Variants in UGT8 observed in about 807,000 individuals in gnomAD.
The protein encoded by UGT8 is UDP glycosyltransferase 8.
Under a neutral mutation model 40.5 loss-of-function variants are expected in UGT8, and 12 were observed. That is an observed-to-expected ratio of 0.30 (90% CI 0.19 to 0.48). The LOEUF (loss-of-function observed/expected upper bound fraction) is 0.48. Among genes scored for constraint, UGT8 ranks in the 20% least tolerant of loss-of-function variants. The pLI, the probability that UGT8 is intolerant of heterozygous loss-of-function variation, is 0.99. For missense variants in UGT8, 513 were observed against 648.7 expected (o/e 0.79, Z 2.27); for synonymous variants, 224 against 240.4 (o/e 0.93, Z 0.63).
intron 1 of UGT8, among the ~76,000 whole-genome samples, chr4:114,599,383 C>T (rs544039531): frequency 1.4e-4 from 22 of 152,280 alleles, no homozygotes; most frequent in Non-Finnish European, 2.9e-4. Flanking sequence ...GCCCAGAGGC[C>T]AGAGCCAGCT....
chr4:114,666,914 G>C lies in UGT8; in HGVS notation c.1042+1158G>C, dbSNP rs148575435. ...TAATAGCTTCTAACTATGATCAAAA[G>C]ATTCTTCCGGGATGAGAAGTAGGAA... On this transcript the variant is annotated intron_variant, in intron 4 of 5. Transcript: ENST00000310836. 5.4e-3 allele frequency among the ~76,000 whole-genome samples: 816 copies of C among 152,146 alleles called. 12 individuals are homozygous for C. The highest frequency in any genetic ancestry group is 0.019 in the African/African-American group (790 of 41,534).
At chr4:114,601,211 A>G (rs528167998) in intron 1 of UGT8, among the ~76,000 whole-genome samples, 1 of 152,346 alleles carries the variant, frequency 6.6e-6, no homozygotes, top group South Asian at 2.1e-4. Flanking sequence ...TTTTTTGGAT[A>G]AAAACTACTT....
rs528239644 is a variant in UGT8, at chr4:114,607,976, T to C, written c.-3+9002T>C. Among the ~76,000 whole-genome samples the C allele has an allele frequency of 7.2e-5, 11 of 152,328 alleles. No homozygotes were observed. The East Asian group carries it at 2.1e-3, about 29-fold the overall frequency. Reference sequence around the variant, plus strand: ...CCCACTTGCCTTCTTTGAGTGTGATTTGACTATGCGTTTATTTTCACATGG... The same window carrying C: ...CCCACTTGCCTTCTTTGAGTGTGATCTGACTATGCGTTTATTTTCACATGG... On this transcript the variant is annotated intron_variant, in intron 1 of 5. Coordinates refer to ENST00000310836, the MANE Select transcript of UGT8 (RefSeq NM_001128174.3).
chr4:114,637,874 C>G (rs540205001), intron 2 of UGT8, among the ~76,000 whole-genome samples: 1 of 152,312 alleles, frequency 6.6e-6, no homozygotes, highest in African/African-American at 2.4e-5. Context: ...AGATCCAGAA[C>G]TACTTCATCA....
chr4:114,666,597 GAAGATAGGA>G (rs1734899070), intron 4 of UGT8, among the ~76,000 whole-genome samples: 1 of 151,928 alleles, frequency 6.6e-6, no homozygotes, highest in East Asian at 1.9e-4. Context: ...AGATTCCTTA[GAAGATAGGA>G]AAGAAGCAGG....
intron 1 of UGT8, among the ~76,000 whole-genome samples, chr4:114,620,052 G>T (rs1240004622): frequency 2.6e-5 from 4 of 151,862 alleles, no homozygotes; most frequent in Admixed American, 6.6e-5. Flanking sequence ...TAAAAATTAT[G>T]TGATTTCTTT....
At chr4:114,650,920 T>C (rs1303696271) in intron 2 of UGT8, among the ~76,000 whole-genome samples, 3 of 152,038 alleles carry the variant, frequency 2.0e-5, no homozygotes, top group Admixed American at 1.3e-4. Context: ...ATAGAACATG[T>C]CATTTCCGTT....
At chr4:114,602,100 A>T (rs978370349) in intron 1 of UGT8, among the ~76,000 whole-genome samples, 5 of 152,120 alleles carry the variant, frequency 3.3e-5, no homozygotes, top group Non-Finnish European at 5.9e-5. Flanking sequence ...TTATAGAAAA[A>T]ATTTGTGTAT....
chr4:114,605,843 G>C (rs1166295361), intron 1 of UGT8, among the ~76,000 whole-genome samples: 19 of 152,038 alleles, frequency 1.2e-4, no homozygotes, highest in Admixed American at 1.2e-3. Flanking sequence ...TAAATATTAA[G>C]TGATGGGCAT....
intron 1 of UGT8, among the ~76,000 whole-genome samples, chr4:114,599,502 G>T (rs1299265078): frequency 6.6e-6 from 1 of 152,184 alleles, no homozygotes; most frequent in Non-Finnish European, 1.5e-5. Flanking sequence ...TGTGTTGGGG[G>T]TGGGGAATGT....
At chr4:114,610,489 A>G (rs533527333) in intron 1 of UGT8, among the ~76,000 whole-genome samples, 4 of 152,318 alleles carry the variant, frequency 2.6e-5, no homozygotes, top group Non-Finnish European at 5.9e-5. Context: ...ATCGGTTATA[A>G]TCATAGATAC....
At chr4:114,674,550 G>A in intron 5 of UGT8, among the ~76,000 whole-genome samples, 1 of 152,066 alleles carries the variant, frequency 6.6e-6, no homozygotes, top group East Asian at 1.9e-4. Flanking sequence ...CTGATATAAT[G>A]GCTCTTTGGT....
Position 114,663,995 on chromosome 4 carries a change from G to A in UGT8, c.823G>A (p.Asp275Asn). ...CTTACTGCCATGTTTTGATTTACAGGATCTCCAAAGATGGGTAAATGGTGC... is the reference window on the plus strand; with the variant it reads ...CTTACTGCCATGTTTTGATTTACAGAATCTCCAAAGATGGGTAAATGGTGC... ...LTKPASPLPE[D>N]LQRWVNGANE... The change falls in exon 3 of 6, where the codon GAT becomes AAT. Residue 275 changes from aspartate to asparagine, a missense_variant and splice_region_variant. Asp to Asn is a conservative substitution (Grantham distance 23). Coordinates refer to ENST00000310836, the MANE Select transcript of UGT8 (RefSeq NM_001128174.3). 6.2e-7 allele frequency: 1 copy of A among 1,613,434 alleles called. No individual in the cohort carries two copies. Among genetic ancestry groups the A allele is most frequent in the Non-Finnish European group, 8.5e-7 (1 of 1,179,638 alleles).
In UGT8 at chr4:114,623,390, T is replaced by A; in HGVS notation, c.510T>A (p.Ala170=). The part of the protein sequence containing the change: ...TGLWYPAEVG[A]PAPLAYVPEF... ...TTTGGTATCCTGCTGAAGTGGGTGC[T>A]CCTGCTCCATTAGCATACGTCCCAG... Residue 170 remains alanine (A), a synonymous_variant, in exon 2 of 6, where the codon GCT becomes GCA. Coordinates refer to ENST00000310836, the MANE Select transcript of UGT8 (RefSeq NM_001128174.3). 6.2e-7 allele frequency: 1 copy of A among 1,614,196 alleles called. No homozygotes were observed. Among genetic ancestry groups the A allele is most frequent in the Non-Finnish European group, 8.5e-7 (1 of 1,180,018 alleles).
intron 5 of UGT8, among the ~76,000 whole-genome samples, chr4:114,669,552 T>C (rs1229754054): frequency 6.6e-6 from 1 of 152,000 alleles, no homozygotes; most frequent in East Asian, 1.9e-4. Flanking sequence ...TTGGCTCAGA[T>C]GAAAAGGAAA....
chr4:114,660,655 G>C (rs920409782), intron 2 of UGT8, among the ~76,000 whole-genome samples: 4 of 152,046 alleles, frequency 2.6e-5, no homozygotes, highest in Admixed American at 2.0e-4. Flanking sequence ...CACTTTGGGA[G>C]GCCAAGACGG....
intron 1 of UGT8, among the ~76,000 whole-genome samples, chr4:114,615,155 A>G (rs1028431915): frequency 6.6e-6 from 1 of 151,798 alleles, no homozygotes; most frequent in African/African-American, 2.4e-5. Context: ...TTCTCTCTTC[A>G]CATGGTGGGA....
Position 114,675,965 on chromosome 4 carries a change from G to T in UGT8, c.1303G>T (p.Asp435Tyr). 1 of 1,614,040 alleles carries T rather than the reference G, an allele frequency of 6.2e-7. No individual in the cohort carries two copies. Among genetic ancestry groups the T allele is most frequent in the South Asian group, 1.1e-5 (1 of 91,064 alleles). The change falls in exon 6 of 6, where the codon GAT (aspartate) becomes TAT (tyrosine). Residue 435 changes from aspartate (D) to tyrosine (Y), a missense_variant. By Grantham distance (160) the Asp-to-Tyr change is radical. Around this residue, in one of 3 missense-constraint regions of UGT8, gnomAD observed 175 missense variants for 186.7 expected, o/e 0.94. Coordinates refer to ENST00000310836, the MANE Select transcript of UGT8 (RefSeq NM_001128174.3). ...TCAGAAGCTTTCGGAAATTCACAAG[G>T]ATCAACCTGGTCACCCTGTCAATCG... ...RAQKLSEIHK[D>Y]QPGHPVNRTI... is the part of the protein sequence containing the mutation.
intron 4 of UGT8, among the ~76,000 whole-genome samples, chr4:114,667,199 T>C (rs992245604): frequency 6.6e-5 from 10 of 152,162 alleles, no homozygotes; most frequent in South Asian, 2.1e-4. Context: ...GGGAGCACCA[T>C]TGAGACCATG....
Sources: allele counts gnomAD v4.1 joint callset (sites outside exome capture counted in the v4.1 genomes callset), GRCh38; gene constraint gnomAD v4.1.1; regional missense constraint gnomAD v4.1.1; transcripts MANE v1.5; gene names NCBI Gene and HGNC (gene_info 2026-07-23, HGNC 2026-07-21).